ANKS1B: variants seen among roughly 807,000 people sequenced by gnomAD.
ANKS1B encodes the protein ankyrin repeat and sterile alpha motif domain containing 1B.
A neutral mutation model predicts 148.3 loss-of-function variants in ANKS1B; 36 were observed. The observed-to-expected ratio is 0.24, with a 90% CI of 0.19 to 0.32. ANKS1B has a LOEUF of 0.32. ANKS1B is among the 10% of genes least tolerant of loss of function. ANKS1B has a pLI of 1.00. For synonymous variants in ANKS1B, 542 were observed against 560.8 expected (o/e 0.97, Z 0.47); for missense variants, 1,157 against 1,542.6 (o/e 0.75, Z 4.19).
chr12:99,748,769 T>C lies in ANKS1B; in HGVS notation c.1128+24153A>G, dbSNP rs540848587. ...AAGAAGGAAAACAGAGAAGACTTTA[T>C]TGACAAGGTGATATCTGGACAGATA... On this transcript the variant is annotated intron_variant, in intron 8 of 26. Transcript: ENST00000683438. 9.9e-5 allele frequency among the ~76,000 whole-genome samples: 15 copies of C among 152,178 alleles called. No homozygotes were observed. The South Asian group carries it at 2.9e-3, about 29-fold the overall frequency.
At chr12:98,811,431 G>A (rs540954160) in intron 19 of ANKS1B, among the ~76,000 whole-genome samples, 1 of 152,214 alleles carries the variant, frequency 6.6e-6, no homozygotes, top group African/African-American at 2.4e-5. Flanking sequence ...CTCTCTGCCA[G>A]GGCATCCCTC....
chr12:98,884,078 A>G (rs1195575059), intron 17 of ANKS1B, among the ~76,000 whole-genome samples: 4 of 152,218 alleles, frequency 2.6e-5, no homozygotes, highest in African/African-American at 9.6e-5. Context: ...ATAACTAGTA[A>G]TTTATAGTTA....
At chr12:99,712,623 A>G (rs1178061281) in intron 8 of ANKS1B, among the ~76,000 whole-genome samples, 1 of 152,218 alleles carries the variant, frequency 6.6e-6, no homozygotes. Context: ...GAGGCTCTGG[A>G]TATAATCTAT....
chr12:99,668,320 A>G (rs1203931191), intron 8 of ANKS1B, among the ~76,000 whole-genome samples: 2 of 151,816 alleles, frequency 1.3e-5, no homozygotes, highest in African/African-American at 2.4e-5. Flanking sequence ...ATCTTTATTC[A>G]TATCCCCTCC....
intron 11 of ANKS1B, among the ~76,000 whole-genome samples, chr12:99,418,636 T>G (rs1040200092): frequency 3.9e-5 from 6 of 152,180 alleles, no homozygotes; most frequent in African/African-American, 1.2e-4. Context: ...CCTTTTATTT[T>G]TTTGTTTTTC....
intron 9 of ANKS1B, among the ~76,000 whole-genome samples, chr12:99,575,750 T>C (rs1298538814): frequency 6.6e-6 from 1 of 151,992 alleles, no homozygotes; most frequent in African/African-American, 2.4e-5. Context: ...CAAGATGAGA[T>C]TTGGGTGGGG....
At chr12:99,423,495 A>G (rs2095158287) in intron 11 of ANKS1B, among the ~76,000 whole-genome samples, 2 of 152,154 alleles carry the variant, frequency 1.3e-5, no homozygotes, top group African/African-American at 4.8e-5. Context: ...TATGTACCCA[A>G]AAGAATATAA....
At chr12:99,877,464 T>C (rs1292871517) in intron 1 of ANKS1B, among the ~76,000 whole-genome samples, 3 of 152,288 alleles carry the variant, frequency 2.0e-5, no homozygotes, top group East Asian at 1.9e-4. Context: ...AACCAAGAAA[T>C]AGGAAGCCTC....
rs201049419 is a variant in ANKS1B, at chr12:99,504,613, G to T, written c.1301C>A (p.Thr434Asn). 11 of 1,600,952 alleles carry T rather than the reference G, an allele frequency of 6.9e-6. No individual in the cohort carries two copies. In the African/African-American group the frequency reaches 1.5e-4, roughly 21 times the overall value. Residue 434 changes from threonine to asparagine, a missense_variant, in exon 10 of 27, where the codon ACT becomes AAT. Around this residue, in one of 6 missense-constraint regions of ANKS1B, gnomAD observed 661 missense variants for 642.1 expected, o/e 1.03. Transcript: ENST00000683438. ...AGAAGCAGATGGTACAATTTCCATAGTGTAATTTCTCTTCTTTGGATAGGA... is the reference window on the plus strand; with the variant it reads ...AGAAGCAGATGGTACAATTTCCATATTGTAATTTCTCTTCTTTGGATAGGA... ...QESYPKKRNY[T>N]MEIVPSASLD...
At chr12:99,311,806 T>C (rs1281484288) in intron 12 of ANKS1B, among the ~76,000 whole-genome samples, 1 of 151,370 alleles carries the variant, frequency 6.6e-6, no homozygotes, top group East Asian at 2.0e-4. Context: ...GAAAGAGGAA[T>C]GTGGTGCTTT....
In ANKS1B at chr12:99,183,056, G is replaced by A. The variant is rs1050303441; in HGVS notation, c.2420-28661C>T. Among the ~76,000 whole-genome samples the A allele has an allele frequency of 5.6e-4, 85 of 152,014 alleles. 1 individual carries two copies. Among genetic ancestry groups the A allele is most frequent in the African/African-American group, 1.9e-3 (80 of 41,376 alleles). ...TTGTTTGAGGTCCTTGTATGTTATG[G>A]TTTTAATCCCCTGTCAGATGGAGGG... On this transcript the variant is annotated intron_variant, in intron 14 of 26. Coordinates refer to ENST00000683438, the MANE Select transcript of ANKS1B (RefSeq NM_001352186.2).
At position 98,911,306 on chromosome 12, in the gene ANKS1B, G is replaced by A. The variant is rs141759680; in HGVS notation, c.2779-79170C>T. On this transcript the variant is annotated intron_variant, in intron 17 of 26. Coordinates refer to ENST00000683438, the MANE Select transcript of ANKS1B (RefSeq NM_001352186.2). ...AGATGATGAAACTGAGCTAATTCCA[G>A]AGTCTTCAGGGACCTAAAGAAAGCA... Among the ~76,000 whole-genome samples, 1,026 of 152,214 alleles carry A rather than the reference G, an allele frequency of 6.7e-3. 18 individuals carry two copies. Among genetic ancestry groups the A allele is most frequent in the Non-Finnish European group, 6.9e-3 (469 of 68,014 alleles).
chr12:99,726,692 A>T (rs2058653633), intron 8 of ANKS1B, among the ~76,000 whole-genome samples: 1 of 152,192 alleles, frequency 6.6e-6, no homozygotes, highest in African/African-American at 2.4e-5. Context: ...CAAAAAAAAG[A>T]AAATTTCAGG....
chr12:99,199,667 T>A (rs891042743), intron 14 of ANKS1B, among the ~76,000 whole-genome samples: 1 of 152,156 alleles, frequency 6.6e-6, no homozygotes, highest in African/African-American at 2.4e-5. Flanking sequence ...CTCTCCTCCT[T>A]ATAAGGCTCA....
At chr12:99,258,440 G>C (rs192949957) in intron 12 of ANKS1B, among the ~76,000 whole-genome samples, 7 of 151,512 alleles carry the variant, frequency 4.6e-5, no homozygotes, top group African/African-American at 1.7e-4. Context: ...AAAAAAAAAA[G>C]CATGCAAAAT....
At chr12:99,194,801 G>T (rs564984816) in intron 14 of ANKS1B, among the ~76,000 whole-genome samples, 2 of 152,190 alleles carry the variant, frequency 1.3e-5, no homozygotes, top group African/African-American at 4.8e-5. Context: ...CAGATGAGAT[G>T]ATATTTCTTA....
intron 12 of ANKS1B, among the ~76,000 whole-genome samples, chr12:99,336,478 C>A (rs1249538913): frequency 6.6e-6 from 1 of 151,842 alleles, no homozygotes; most frequent in Non-Finnish European, 1.5e-5. Flanking sequence ...TCAATATTTT[C>A]TTGTAGTAGT....
intron 9 of ANKS1B, among the ~76,000 whole-genome samples, chr12:99,549,497 C>A (rs1261391136): frequency 6.6e-6 from 1 of 152,114 alleles, no homozygotes; most frequent in African/African-American, 2.4e-5. Context: ...CATTCTCTTT[C>A]TTCCTTCTTC....
chr12:99,640,358 C>A (rs1167711338), intron 9 of ANKS1B, among the ~76,000 whole-genome samples: 2 of 152,000 alleles, frequency 1.3e-5, no homozygotes, highest in Non-Finnish European at 2.9e-5. Flanking sequence ...AGTGTCCCCC[C>A]ACAAAACTCA....
Sources: allele counts gnomAD v4.1 joint callset (sites outside exome capture counted in the v4.1 genomes callset), GRCh38; gene constraint gnomAD v4.1.1; regional missense constraint gnomAD v4.1.1; transcripts MANE v1.5; gene names NCBI Gene and HGNC (gene_info 2026-07-23, HGNC 2026-07-21).